ETV6: variants seen among roughly 807,000 people sequenced by gnomAD.
The protein encoded by ETV6 is transcription factor ETV6.
ETV6 carries 16 observed loss-of-function variants against 51.1 expected under a neutral mutation model. That is an observed-to-expected ratio of 0.31 (90% CI 0.21 to 0.48). The LOEUF (loss-of-function observed/expected upper bound fraction) is 0.48, where lower values mean the gene tolerates loss of function less well. Among genes scored for constraint, ETV6 ranks in the 20% least tolerant of loss-of-function variants. The probability of loss-of-function intolerance (pLI) is 0.99; values close to 1 mark genes in which losing one functional copy is unlikely to be tolerated. For missense variants in ETV6, 458 were observed against 594.8 expected (o/e 0.77, Z 2.39); for synonymous variants, 240 against 224.1 (o/e 1.07, Z -0.64).
At chr12:11,669,321 T>C (rs1864258453) in intron 1 of ETV6, among the ~76,000 whole-genome samples, 1 of 146,990 alleles carries the variant, frequency 6.8e-6, no homozygotes, top group African/African-American at 2.6e-5. Flanking sequence ...CTTCTTTCCT[T>C]CCTCCCTCCC....
At chr12:11,720,076 T>C (rs1461154446) in intron 1 of ETV6, among the ~76,000 whole-genome samples, 2 of 152,214 alleles carry the variant, frequency 1.3e-5, no homozygotes, top group Non-Finnish European at 2.9e-5. Flanking sequence ...TCATACAGAT[T>C]TGGCAAAGGA....
rs1450429630 is a variant in ETV6 at position 11,891,791 on chromosome 12, C to G, written c.*745C>G. On this transcript the variant is annotated 3_prime_UTR_variant, in exon 8 of 8. Coordinates refer to ENST00000396373, the MANE Select transcript of ETV6 (RefSeq NM_001987.5). ...TTGGCACCTAAACAGAATCAGTGAC[C>G]CGGGTGCTTTGTGGCCAGCAGCACA... The G allele has an allele frequency of 2.9e-6, 1 of 348,962 alleles. No homozygotes were observed. Among genetic ancestry groups the G allele is most frequent in the Non-Finnish European group, 5.6e-6 (1 of 179,352 alleles). The allele number at this position is 348,962 out of a possible 1,614,324, so 21.6% of individuals were successfully genotyped here.
chr12:11,751,799 A>G, intron 1 of ETV6: 1 of 496,900 alleles, frequency 2.0e-6, no homozygotes, highest in Non-Finnish European at 4.0e-6. Flanking sequence ...AGAGTAAAAG[A>G]ACAAGGAGAT....
intron 2 of ETV6, among the ~76,000 whole-genome samples, chr12:11,801,959 C>T (rs532325461): frequency 2.6e-4 from 39 of 152,332 alleles, no homozygotes; most frequent in African/African-American, 8.4e-4. Context: ...CCTGTTGATA[C>T]TCACGCCCTC....
intron 5 of ETV6, among the ~76,000 whole-genome samples, chr12:11,881,707 A>G (rs1393929176): frequency 6.6e-6 from 1 of 152,238 alleles, no homozygotes; most frequent in Non-Finnish European, 1.5e-5. Flanking sequence ...TGGGGAGGAC[A>G]TGAAGATTCA....
chr12:11,693,510 G>A (rs1864811215), intron 1 of ETV6, among the ~76,000 whole-genome samples: 1 of 152,202 alleles, frequency 6.6e-6, no homozygotes, highest in African/African-American at 2.4e-5. Flanking sequence ...TGTGCCCAGA[G>A]TAGGGAGAAG....
intron 1 of ETV6, among the ~76,000 whole-genome samples, chr12:11,747,338 CA>C (rs970577294): frequency 6.6e-6 from 1 of 152,160 alleles, no homozygotes; most frequent in Non-Finnish European, 1.5e-5. Context: ...CACTGGACAC[CA>C]AGAAGAAAGC....
chr12:11,762,560 G>T (rs1436785059), intron 2 of ETV6, among the ~76,000 whole-genome samples: 2 of 152,058 alleles, frequency 1.3e-5, no homozygotes, highest in African/African-American at 4.8e-5. Flanking sequence ...ATTAATTATG[G>T]GAGAAAAAAA....
intron 1 of ETV6, among the ~76,000 whole-genome samples, chr12:11,732,917 ACTC>A (rs1792821712): frequency 1.3e-5 from 2 of 151,914 alleles, no homozygotes; most frequent in South Asian, 4.1e-4. Flanking sequence ...TTTCATTCTT[ACTC>A]CTCATTTTGG....
At chr12:11,843,438 C>T (rs981674226) in intron 3 of ETV6, among the ~76,000 whole-genome samples, 3 of 152,222 alleles carry the variant, frequency 2.0e-5, no homozygotes, top group South Asian at 4.1e-4. Context: ...AATCACGTCA[C>T]TTCACTTGGC....
intron 1 of ETV6, among the ~76,000 whole-genome samples, chr12:11,702,717 A>G (rs1009955564): frequency 6.6e-6 from 1 of 152,216 alleles, no homozygotes; most frequent in Non-Finnish European, 1.5e-5. Context: ...TGAAGGGCTT[A>G]CCAGGAAGAC....
chr12:11,723,057 ATC>A (rs1454748590), intron 1 of ETV6, among the ~76,000 whole-genome samples: 1 of 152,188 alleles, frequency 6.6e-6, no homozygotes, highest in African/African-American at 2.4e-5. Context: ...CTGGGCTTGA[ATC>A]TCAGATCTCT....
Position 11,745,265 on chromosome 12 carries a change from A to G in ETV6, c.34-7185A>G, listed in dbSNP as rs142416185. On this transcript the variant is annotated intron_variant, in intron 1 of 7. Coordinates refer to ENST00000396373, the MANE Select transcript of ETV6 (RefSeq NM_001987.5). ...TTATACGGAACCTTTAAGTTCTCCT[A>G]CTCCAGCTCCTTCCCAGTGCAAGCA... Among the ~76,000 whole-genome samples, 64 of 152,308 alleles carry G rather than the reference A, an allele frequency of 4.2e-4. 1 individual carries two copies. Among genetic ancestry groups the G allele is most frequent in the Middle Eastern group, 6.8e-3 (2 of 294 alleles).
chr12:11,728,615 T>C (rs1865535836), intron 1 of ETV6, among the ~76,000 whole-genome samples: 1 of 152,050 alleles, frequency 6.6e-6, no homozygotes, highest in Admixed American at 6.6e-5. Context: ...GCCAAAAAGG[T>C]TGAGGACTGC....
At chr12:11,734,512 T>G (rs11054433) in intron 1 of ETV6, among the ~76,000 whole-genome samples, 1 of 136,836 alleles carries the variant, frequency 7.3e-6, no homozygotes, top group Non-Finnish European at 1.6e-5. Flanking sequence ...GGGGCTGAGA[T>G]GAGCAAAAAA....
chr12:11,696,471 A>G (rs1370397395), intron 1 of ETV6, among the ~76,000 whole-genome samples: 1 of 152,228 alleles, frequency 6.6e-6, no homozygotes, highest in African/African-American at 2.4e-5. Flanking sequence ...AAACTAAGGG[A>G]GTTAATCCAT....
intron 1 of ETV6, among the ~76,000 whole-genome samples, chr12:11,688,427 C>T (rs76144665): frequency 1.3e-4 from 20 of 152,126 alleles, no homozygotes; most frequent in Non-Finnish European, 2.6e-4. Context: ...GCTTCAGTCT[C>T]GTGGCTGTCT....
intron 1 of ETV6, among the ~76,000 whole-genome samples, chr12:11,718,455 A>G (rs553373993): frequency 1.3e-5 from 2 of 152,288 alleles, no homozygotes; most frequent in African/African-American, 4.8e-5. Context: ...CAAGATAGCC[A>G]CAGCAGAGCA....
At chr12:11,675,647 A>G (rs1422485868) in intron 1 of ETV6, among the ~76,000 whole-genome samples, 1 of 152,174 alleles carries the variant, frequency 6.6e-6, no homozygotes, top group Non-Finnish European at 1.5e-5. Flanking sequence ...CCCTGTCTCT[A>G]TAAAAAAATA....
Sources: allele counts gnomAD v4.1 joint callset (sites outside exome capture counted in the v4.1 genomes callset), GRCh38; gene constraint gnomAD v4.1.1; transcripts MANE v1.5; gene names NCBI Gene and HGNC (gene_info 2026-07-23, HGNC 2026-07-21).